The following ZNF462 variants were observed in gnomAD, a reference collection of about 807,000 sequenced individuals.
The protein encoded by ZNF462 is zinc finger PBX1-interacting protein.
ZNF462 carries 10 observed loss-of-function variants against 201.9 expected under a neutral mutation model. The ratio of observed to expected loss-of-function variants is 0.05; its 90% CI spans 0.03 to 0.08. The LOEUF is 0.08. ZNF462 is among the 10% of genes least tolerant of loss of function. The pLI is 1.00. For missense variants in ZNF462, 2,523 were observed against 3,168.3 expected (o/e 0.80, Z 4.89); for synonymous variants, 1,227 against 1,193.3 (o/e 1.03, Z -0.58).
intron 7 of ZNF462, among the ~76,000 whole-genome samples, chr9:106,965,073 A>G (rs1354238313): frequency 6.6e-6 from 1 of 152,122 alleles, no homozygotes; most frequent in Non-Finnish European, 1.5e-5. Flanking sequence ...ATGTATTGGC[A>G]AAGCATAGAG....
chr9:106,917,913 G>A lies in ZNF462; in HGVS notation c.-30-5441G>A, dbSNP rs2131372158. ...TTATTTTGTGACAGAGTCTCACTCT[G>A]CCACCCAGGCTGGAGTGCAGTGGCG... On this transcript the variant is annotated intron_variant, in intron 1 of 12. Transcript: ENST00000277225. This position sits in a 1 kb window ranked among gnomAD's most constrained non-coding sequence, Gnocchi z 4.5. Among the ~76,000 whole-genome samples, 1 of 151,156 alleles carries A rather than the reference G, an allele frequency of 6.6e-6. No individual in the cohort carries two copies. Among genetic ancestry groups the A allele is most frequent in the African/African-American group, 2.4e-5 (1 of 41,156 alleles).
rs1311081464 is a variant in ZNF462, at chr9:106,923,251, C to T, written c.-30-103C>T. The T allele has an allele frequency of 1.2e-6, 1 of 803,370 alleles. No individual in the cohort carries two copies. Among genetic ancestry groups the T allele is most frequent in the African/African-American group, 1.7e-5 (1 of 58,312 alleles). 49.8% of individuals were successfully genotyped at this position (803,370 alleles called of 1,614,324 possible). A position where few individuals can be genotyped will look rare whatever the true frequency, so the allele number is the denominator to read the frequency against. On this transcript the variant is annotated intron_variant, in intron 1 of 12. Coordinates refer to ENST00000277225, the MANE Select transcript of ZNF462 (RefSeq NM_021224.6). The surrounding 1 kb of genome is among the most constrained non-coding windows in gnomAD (Gnocchi z 5.6). ...GGCAAAGTCCAATAAGAGAAATCTA[C>T]TGATACTGGAATTTTTTCCCATTAA...
chr9:106,995,627 T>C (rs1303849816), intron 10 of ZNF462: 2 of 152,170 alleles, frequency 1.3e-5, no homozygotes, highest in East Asian at 3.9e-4. Flanking sequence ...CATCTACAAA[T>C]ATAGAAGGCA....
At chr9:106,967,305 A>G (rs1035006953) in intron 7 of ZNF462, among the ~76,000 whole-genome samples, 6 of 152,068 alleles carry the variant, frequency 3.9e-5, no homozygotes, top group African/African-American at 4.8e-5. Context: ...CACTAGCACA[A>G]TGTTAACTAA....
At chr9:106,948,011 G>T (rs1257388207) in intron 7 of ZNF462, among the ~76,000 whole-genome samples, 2 of 152,150 alleles carry the variant, frequency 1.3e-5, no homozygotes, top group Admixed American at 1.3e-4. Flanking sequence ...CATTTGAATG[G>T]CTATAACTTT....
intron 7 of ZNF462, among the ~76,000 whole-genome samples, chr9:106,971,326 G>T (rs1462454846): frequency 2.0e-5 from 3 of 150,884 alleles, no homozygotes; most frequent in Non-Finnish European, 4.4e-5. Context: ...TACAGGGAAG[G>T]GTATTCTGTG....
At chr9:106,898,318 A>G (rs1828900059) in intron 1 of ZNF462, among the ~76,000 whole-genome samples, 1 of 152,168 alleles carries the variant, frequency 6.6e-6, no homozygotes, top group Non-Finnish European at 1.5e-5. Context: ...TGGGAGATTC[A>G]GGGGTCCCTA....
At chr9:106,988,065 G>A (rs1487789500) in intron 10 of ZNF462, among the ~76,000 whole-genome samples, 2 of 152,060 alleles carry the variant, frequency 1.3e-5, no homozygotes. Flanking sequence ...GTGAGGAACA[G>A]CATAGTACAG....
At position 106,935,419 on chromosome 9, in the gene ZNF462, A is replaced by G. The variant is rs1830591560; in HGVS notation, c.6117-84A>G. 1 of 1,194,040 alleles carries G rather than the reference A, an allele frequency of 8.4e-7. No individual in the cohort carries two copies. The highest frequency in any genetic ancestry group is 1.3e-5 in the South Asian group (1 of 78,478). The allele number at this position is 1,194,040 out of a possible 1,614,324, so 74.0% of individuals were successfully genotyped here. On this transcript the variant is annotated intron_variant, in intron 5 of 12. Coordinates refer to ENST00000277225, the MANE Select transcript of ZNF462 (RefSeq NM_021224.6). This position sits in a 1 kb window ranked among gnomAD's most constrained non-coding sequence, Gnocchi z 4.1. ...GGACTTTGAACGACCTAGAAGTAGG[A>G]TTCCTGGAAAAAAAGCAATGAGCAA...
Position 106,981,970 on chromosome 9 carries a change from A to C in ZNF462, c.6833-2216A>C, listed in dbSNP as rs1156674177. 2.0e-5 allele frequency among the ~76,000 whole-genome samples: 3 copies of C among 152,222 alleles called. No homozygotes were observed. The highest frequency in any genetic ancestry group is 4.4e-5 in the Non-Finnish European group (3 of 68,040). On this transcript the variant is annotated intron_variant, in intron 9 of 12. Coordinates refer to ENST00000277225, the MANE Select transcript of ZNF462 (RefSeq NM_021224.6). The surrounding 1 kb of genome is among the most constrained non-coding windows in gnomAD (Gnocchi z 4.0). ...AGAGATGATAACATATAAATGAGGA[A>C]CTAAAATGTAGAGAGAGCAAGGGGG...
chr9:106,880,887 C>G lies in ZNF462; in HGVS notation c.-31+17532C>G, dbSNP rs1482656215. On this transcript the variant is annotated intron_variant, in intron 1 of 12. Transcript: ENST00000277225. The surrounding 1 kb of genome is among the most constrained non-coding windows in gnomAD (Gnocchi z 4.1). ...GTTACTCTGTACCTCGTGGGTTTAA[C>G]TCTGAGGTTGATAGATACAAATAGT... 1.3e-5 allele frequency among the ~76,000 whole-genome samples: 2 copies of G among 152,166 alleles called. No individual in the cohort carries two copies. The highest frequency in any genetic ancestry group is 2.9e-5 in the Non-Finnish European group (2 of 68,034).
intron 1 of ZNF462, among the ~76,000 whole-genome samples, chr9:106,901,462 G>A (rs57431553): frequency 0.012 from 1,843 of 152,166 alleles, 31 homozygotes; most frequent in African/African-American, 0.042. Context: ...GAATGATGGT[G>A]GTATTCTGAC....
rs1829890895 is a variant in ZNF462, at chr9:106,919,141, T to C, written c.-30-4213T>C. On this transcript the variant is annotated intron_variant, in intron 1 of 12. Coordinates refer to ENST00000277225, the MANE Select transcript of ZNF462 (RefSeq NM_021224.6). The surrounding 1 kb of genome is among the most constrained non-coding windows in gnomAD (Gnocchi z 4.5). ...CCAGGCAAGGCCTATGCCTTTTAAT[T>C]TGATCACTTCCTGAAGAGAGCTGGG... Among the ~76,000 whole-genome samples the C allele has an allele frequency of 6.6e-6, 1 of 152,226 alleles. No homozygotes were observed.
intron 11 of ZNF462, among the ~76,000 whole-genome samples, chr9:107,007,279 TA>T (rs1415668137): frequency 6.6e-6 from 1 of 152,198 alleles, no homozygotes; most frequent in Non-Finnish European, 1.5e-5. Flanking sequence ...AACTCGAATT[TA>T]AAACATGGTG....
chr9:106,915,633 T>A (rs116275827), intron 1 of ZNF462, among the ~76,000 whole-genome samples: 2,495 of 152,182 alleles, frequency 0.016, 71 homozygotes, highest in African/African-American at 0.054. Flanking sequence ...AGTTGGTTAG[T>A]TTGATAAGAG....
rs1830159431 is a variant in ZNF462 at position 106,925,562 on chromosome 9, G to GCCA, written c.1660_1662dup (p.Pro554dup). The GCCA allele has an allele frequency of 9.9e-6, 16 of 1,610,440 alleles. No homozygotes were observed. Among genetic ancestry groups the GCCA allele is most frequent in the Middle Eastern group, 1.7e-4 (1 of 6,018 alleles). On this transcript the variant is annotated inframe_insertion, in exon 3 of 13. Coordinates refer to ENST00000277225, the MANE Select transcript of ZNF462 (RefSeq NM_021224.6). The surrounding 1 kb of genome is among the most constrained non-coding windows in gnomAD (Gnocchi z 7.9). ...CACCGCAGCCACCACCACCGCCGCC[G>GCCA]CCACCACCACCATCACAGCCACAGC...
Position 106,927,273 on chromosome 9 carries a change from T to C in ZNF462, c.3361T>C (p.Tyr1121His). ...GCTTTACTACTGCAAACACTGTTCC[T>C]ACAGCAATCGGTCAGTTGTGGGAGT... ...TELYYCKHCS[Y>H]SNRSVVGVLV... Residue 1121 changes from tyrosine (Y) to histidine (H), a missense_variant, in exon 3 of 13, where the codon TAC becomes CAC. Coordinates refer to ENST00000277225, the MANE Select transcript of ZNF462 (RefSeq NM_021224.6). The C allele has an allele frequency of 6.6e-7, 1 of 1,516,578 alleles. No homozygotes were observed. Among genetic ancestry groups the C allele is most frequent in the Non-Finnish European group, 8.9e-7 (1 of 1,125,070 alleles). The allele number at this position is 1,516,578 out of a possible 1,614,324, so 93.9% of individuals were successfully genotyped here.
At chr9:106,941,287 TC>T in intron 7 of ZNF462, among the ~76,000 whole-genome samples, 2 of 152,138 alleles carry the variant, frequency 1.3e-5, no homozygotes, top group Non-Finnish European at 2.9e-5. Context: ...CAACTTAAAA[TC>T]AACTGTTTAG....
rs533329885 is a variant in ZNF462, at chr9:106,930,469, T to C, written c.5848-56T>C. ...TATGTTAGTAAACTGCAAGAATAAA[T>C]TCTGACAATTGAGGGAGGGCTCGGA... is the stretch of plus-strand genomic sequence containing the variant. On this transcript the variant is annotated intron_variant, in intron 3 of 12. Coordinates refer to ENST00000277225, the MANE Select transcript of ZNF462 (RefSeq NM_021224.6). The surrounding 1 kb of genome is among the most constrained non-coding windows in gnomAD (Gnocchi z 5.8). The C allele has an allele frequency of 3.6e-5, 57 of 1,594,796 alleles. No individual in the cohort carries two copies. The East Asian group carries it at 1.1e-3, about 30-fold the overall frequency.
Sources: gnomAD v4.1 joint callset for allele counts (sites outside exome capture counted in the v4.1 genomes callset) on GRCh38, gnomAD v4.1.1 for gene constraint, Gnocchi (gnomAD v3.1) non-coding constraint, MANE v1.5 for transcripts, NCBI Gene and HGNC (gene_info 2026-07-23, HGNC 2026-07-21) for gene names.